Variants in DCDC2C observed in about 807,000 individuals in gnomAD.
The protein encoded by DCDC2C is doublecortin domain-containing protein 2C.
Under a neutral mutation model 45.0 loss-of-function variants are expected in DCDC2C, and 44 were observed. The ratio of observed to expected loss-of-function variants is 0.98; its 90% CI spans 0.77 to 1.26. The LOEUF (loss-of-function observed/expected upper bound fraction) is 1.26, where lower values mean the gene tolerates loss of function less well. DCDC2C is among the 50% of genes most tolerant of loss of function. The pLI is 0.00. For missense variants in DCDC2C, 447 were observed against 468.9 expected (o/e 0.95, Z 0.43); for synonymous variants, 187 against 178.8 (o/e 1.05, Z -0.37).
intron 10 of DCDC2C, among the ~76,000 whole-genome samples, chr2:3,830,546 G>T (rs139117244): frequency 4.3e-4 from 66 of 152,264 alleles, no homozygotes; most frequent in African/African-American, 1.5e-3. Context: ...TCCAGCTCTT[G>T]GGAAATTTGT....
At chr2:3,843,108 G>A (rs1372313396) in intron 10 of DCDC2C, among the ~76,000 whole-genome samples, 3 of 152,226 alleles carry the variant, frequency 2.0e-5, no homozygotes, top group Non-Finnish European at 4.4e-5. Flanking sequence ...AGAAGTGGCT[G>A]TGATAGCAGG....
chr2:3,834,568 C>T (rs1365520880), intron 10 of DCDC2C, among the ~76,000 whole-genome samples: 3 of 152,214 alleles, frequency 2.0e-5, no homozygotes. Flanking sequence ...ATGCAGAGAT[C>T]ACCTGGGAGG....
rs527716470 is a variant in DCDC2C at position 3,829,885 on chromosome 2, T to C, written c.1066-17269T>C. Among the ~76,000 whole-genome samples the C allele has an allele frequency of 5.3e-5, 8 of 152,320 alleles. No homozygotes were observed. The Middle Eastern group carries it at 0.014, about 259-fold the overall frequency. ...AAACCTCTGCTTTTGATGGCTGTTA[T>C]CAGTTATTGACACATAATGTGAAAT... On this transcript the variant is annotated intron_variant, in intron 10 of 10. Coordinates refer to ENST00000399143, the MANE Select transcript of DCDC2C (RefSeq NM_001287444.2).
At chr2:3,732,085 G>A (rs1035607965) in intron 3 of DCDC2C, among the ~76,000 whole-genome samples, 25 of 152,296 alleles carry the variant, frequency 1.6e-4, no homozygotes, top group Middle Eastern at 3.4e-3. Flanking sequence ...CTAGGGAAGC[G>A]CAGGCAGATC....
chr2:3,758,618 C>T (rs1300359593), intron 6 of DCDC2C, among the ~76,000 whole-genome samples: 1 of 152,174 alleles, frequency 6.6e-6, no homozygotes, highest in Non-Finnish European at 1.5e-5. Context: ...CTGCCAGCGT[C>T]AGTGATCTGC....
chr2:3,752,474 A>C (rs1288829187), intron 4 of DCDC2C: 3 of 402,922 alleles, frequency 7.4e-6, no homozygotes, highest in Non-Finnish European at 1.4e-5. Flanking sequence ...GTTAAAATTA[A>C]TTGAACACTA....
intron 3 of DCDC2C, among the ~76,000 whole-genome samples, chr2:3,731,007 T>A (rs1668852233): frequency 6.6e-6 from 1 of 152,194 alleles, no homozygotes; most frequent in Non-Finnish European, 1.5e-5. Flanking sequence ...TGGTTTCCAG[T>A]CAGCAGTCTG....
chr2:3,736,131 A>T (rs992361147), intron 3 of DCDC2C, among the ~76,000 whole-genome samples: 7 of 152,176 alleles, frequency 4.6e-5, no homozygotes, highest in African/African-American at 7.2e-5. Flanking sequence ...GAAGCAGAAG[A>T]ACTTAAGCAA....
At chr2:3,726,625 C>T (rs1228205801) in intron 2 of DCDC2C, among the ~76,000 whole-genome samples, 2 of 152,182 alleles carry the variant, frequency 1.3e-5, no homozygotes, top group Non-Finnish European at 2.9e-5. Flanking sequence ...CATAACTTGG[C>T]CAGCAAAGCT....
At position 3,728,871 on chromosome 2, in the gene DCDC2C, C is replaced by T. The variant is rs1287639104; in HGVS notation, c.416+1792C>T. On this transcript the variant is annotated intron_variant, in intron 3 of 10. Transcript: ENST00000399143. ...GCAGCCAGATGCTGGAGAGAGAGCC[C>T]GGGGCTCCCCTGATGGGGTCACCGG... Among the ~76,000 whole-genome samples the T allele has an allele frequency of 3.3e-5, 5 of 152,278 alleles. No individual in the cohort carries two copies. In the South Asian group the frequency reaches 6.2e-4, roughly 19 times the overall value.
Position 3,734,144 on chromosome 2 carries a change from T to C in DCDC2C, c.416+7065T>C, listed in dbSNP as rs1489186493. On this transcript the variant is annotated intron_variant, in intron 3 of 10. Coordinates refer to ENST00000399143, the MANE Select transcript of DCDC2C (RefSeq NM_001287444.2). This position sits in a 1 kb window ranked among gnomAD's most constrained non-coding sequence, Gnocchi z 4.2. ...TCCGTGGCACACCAACATCACGTAC[T>C]GCCCCAAAGGCATGGCGGCTGTCAG... is the stretch of plus-strand genomic sequence containing the variant. Among the ~76,000 whole-genome samples, 1 of 152,252 alleles carries C rather than the reference T, an allele frequency of 6.6e-6. No homozygotes were observed.
In DCDC2C at chr2:3,807,830, A is replaced by G. The variant is rs143156268; in HGVS notation, c.1065+22730A>G. ...GTGTCATAGGCTGGAATTATGGAGC[A>G]TACGCGCCTCTGTCACTCACTGTGG... On this transcript the variant is annotated intron_variant, in intron 10 of 10. Transcript: ENST00000399143. Among the ~76,000 whole-genome samples, 27 of 152,120 alleles carry G rather than the reference A, an allele frequency of 1.8e-4. No individual in the cohort carries two copies. The East Asian group carries it at 4.7e-3, about 26-fold the overall frequency.
chr2:3,791,896 C>A (rs946873081), intron 10 of DCDC2C, among the ~76,000 whole-genome samples: 6 of 152,200 alleles, frequency 3.9e-5, no homozygotes, highest in African/African-American at 1.4e-4. Context: ...TTATTTTTGA[C>A]CTTGACAGTG....
chr2:3,842,502 G>C (rs1360562096), intron 10 of DCDC2C, among the ~76,000 whole-genome samples: 1 of 152,154 alleles, frequency 6.6e-6, no homozygotes, highest in Admixed American at 6.5e-5. Flanking sequence ...CATTGGGGGA[G>C]TGCAACTAGT....
intron 4 of DCDC2C, among the ~76,000 whole-genome samples, chr2:3,748,048 G>A (rs1669425602): frequency 6.6e-6 from 1 of 152,192 alleles, no homozygotes; most frequent in Non-Finnish European, 1.5e-5. Context: ...CCTTTGTGGT[G>A]GGAAGCCACC....
intron 1 of DCDC2C, 77 bp from the exon 2 acceptor site, chr2:3,708,472 C>T (rs1668125134): frequency 9.4e-6 from 11 of 1,164,788 alleles, no homozygotes; most frequent in Admixed American, 5.4e-5. Flanking sequence ...CGGAAAAGGA[C>T]TCGTTTCTAA....
At chr2:3,822,537 C>A (rs2148225442) in intron 10 of DCDC2C, among the ~76,000 whole-genome samples, 1 of 116,792 alleles carries the variant, frequency 8.6e-6, no homozygotes, top group Middle Eastern at 4.8e-3. Flanking sequence ...AAAAGTTTGT[C>A]AATTTTGCTG....
In DCDC2C at chr2:3,754,621, A is replaced by G. The variant is rs1200628007; in HGVS notation, c.713A>G (p.Gln238Arg). 1.3e-6 allele frequency: 2 copies of G among 1,549,406 alleles called. No individual in the cohort carries two copies. The highest frequency in any genetic ancestry group is 1.7e-6 in the Non-Finnish European group (2 of 1,146,704). ...QRYANVEKNS[Q>R]RKKKVDSKGK... The stretch of plus-strand genomic sequence containing the variant: ...TATGCGAATGTTGAAAAAAACTCAC[A>G]GAGAAAGAAAAAAGTAAGTAACTTT... Residue 238 changes from glutamine to arginine, a missense_variant, in exon 6 of 11, where the codon CAG becomes CGG. Transcript: ENST00000399143.
chr2:3,740,877 A>C (rs1453136784), intron 3 of DCDC2C, among the ~76,000 whole-genome samples: 1 of 152,138 alleles, frequency 6.6e-6, no homozygotes, highest in Non-Finnish European at 1.5e-5. Context: ...CATTTAAGGA[A>C]GAAGACAAAA....
Sources: allele counts gnomAD v4.1 joint callset (sites outside exome capture counted in the v4.1 genomes callset), GRCh38; gene constraint gnomAD v4.1.1; non-coding constraint Gnocchi (gnomAD v3.1); transcripts MANE v1.5; gene names NCBI Gene and HGNC (gene_info 2026-07-23, HGNC 2026-07-21).